The following CIMIP4 variants were observed in gnomAD, a reference collection of about 807,000 sequenced individuals.
CIMIP4 encodes protein EAN57.
the CIMIP4 span, chr22:37,002,192 C>T: frequency 2.7e-6 from 4 of 1,484,964 alleles, no homozygotes; most frequent in Middle Eastern, 1.8e-4. Context: ...GGATGACAGA[C>T]CCTGGTTCTT....
chr22:37,001,731 C>T, the CIMIP4 span: 1 of 1,190,048 alleles, frequency 8.4e-7, no homozygotes, highest in Non-Finnish European at 1.1e-6. Flanking sequence ...TCAGGAGATA[C>T]TGCTTTCTAG....
the CIMIP4 span, chr22:37,002,325 A>C: frequency 4.5e-6 from 5 of 1,120,890 alleles, no homozygotes; most frequent in Non-Finnish European, 4.4e-6. Flanking sequence ...AAAGAGAAAC[A>C]GAGGGGGAGG....
chr22:36,991,540 A>G, the CIMIP4 span: 3 of 1,613,990 alleles, frequency 1.9e-6, no homozygotes, highest in East Asian at 6.7e-5. Context: ...TTTCTCAATG[A>G]CCTCTGGTGT....
At chr22:37,003,741 A>G in the CIMIP4 span, among the ~76,000 whole-genome samples, 491 of 152,310 alleles carry the variant, frequency 3.2e-3, no homozygotes, top group Non-Finnish European at 5.4e-3. Flanking sequence ...TATCGGGGTG[A>G]TAATCCCTGC....
chr22:36,995,175 C>T, the CIMIP4 span, among the ~76,000 whole-genome samples: 11 of 152,232 alleles, frequency 7.2e-5, no homozygotes, highest in African/African-American at 2.6e-4. Context: ...AAAGAAAATC[C>T]TTGGTAAGCT....
the CIMIP4 span, among the ~76,000 whole-genome samples, chr22:36,994,549 A>G: frequency 6.6e-6 from 1 of 150,700 alleles, no homozygotes; most frequent in Non-Finnish European, 1.5e-5. Context: ...TTGTATTTTT[A>G]GTAGATATAG....
At chr22:37,003,906 AG>A in the CIMIP4 span, 1 of 1,504,614 alleles carries the variant, frequency 6.6e-7, no homozygotes, top group South Asian at 1.3e-5. Context: ...CTGCTGCCCC[AG>A]GGAGTCCCTC....
chr22:36,995,112 G>A, the CIMIP4 span, among the ~76,000 whole-genome samples: 2 of 152,118 alleles, frequency 1.3e-5, no homozygotes, highest in East Asian at 3.8e-4. Flanking sequence ...CCAAGAAAGA[G>A]GAAGACACCA....
the CIMIP4 span, among the ~76,000 whole-genome samples, chr22:36,994,630 ATT>A: frequency 1.3e-3 from 153 of 114,158 alleles, 1 homozygote; most frequent in East Asian, 3.2e-3. Flanking sequence ...GCCTCCTGAG[ATT>A]TTTTTTTTTT....
chr22:37,004,548 C>T, the CIMIP4 span, among the ~76,000 whole-genome samples: 11 of 152,166 alleles, frequency 7.2e-5, no homozygotes, highest in Admixed American at 6.5e-4. Context: ...TTAGCCACCA[C>T]GAAGGAGAAC....
chr22:37,001,323 C>G, the CIMIP4 span, among the ~76,000 whole-genome samples: 1 of 151,694 alleles, frequency 6.6e-6, no homozygotes. Context: ...GACTGAAGCC[C>G]AGAGAGGGTA....
chr22:36,993,743 G>T, the CIMIP4 span, among the ~76,000 whole-genome samples: 1 of 150,952 alleles, frequency 6.6e-6, no homozygotes, highest in Admixed American at 6.6e-5. Flanking sequence ...AAAAAGAAAA[G>T]AAAAGAAAAG....
At chr22:37,007,535 G>C in the CIMIP4 span, 1 of 152,230 alleles carries the variant, frequency 6.6e-6, no homozygotes, top group Non-Finnish European at 1.5e-5. Flanking sequence ...GTCTGGACGG[G>C]CTACAATGGA....
At chr22:37,001,854 G>A in the CIMIP4 span, 1 of 1,595,998 alleles carries the variant, frequency 6.3e-7, no homozygotes, top group Non-Finnish European at 8.6e-7. Flanking sequence ...TCGGAGACCA[G>A]CTGGTCCACC....
chr22:37,007,052 C>T, the CIMIP4 span, among the ~76,000 whole-genome samples: 1 of 152,078 alleles, frequency 6.6e-6, no homozygotes, highest in Admixed American at 6.5e-5. Flanking sequence ...CTTCTCTGGT[C>T]GAGCTTTGAG....
the CIMIP4 span, among the ~76,000 whole-genome samples, chr22:36,995,664 T>C: frequency 6.6e-6 from 1 of 152,166 alleles, no homozygotes; most frequent in Non-Finnish European, 1.5e-5. Flanking sequence ...GCTGTTTCCA[T>C]GGTAGTGAAT....
chr22:36,999,548 G>C, the CIMIP4 span, among the ~76,000 whole-genome samples: 1 of 23,324 alleles, frequency 4.3e-5, no homozygotes, highest in Non-Finnish European at 7.1e-5. Context: ...GAGGGGAGGG[G>C]AGAGAAGGGG....
the CIMIP4 span, chr22:36,991,515 T>C: frequency 6.2e-7 from 1 of 1,614,198 alleles, no homozygotes; most frequent in Non-Finnish European, 8.5e-7. Context: ...GCCAGTGTTC[T>C]AAGTCCCTCA....
the CIMIP4 span, chr22:37,002,335 G>T: frequency 7.8e-7 from 1 of 1,279,824 alleles, no homozygotes; most frequent in South Asian, 2.9e-5. Context: ...AGAGGGGGAG[G>T]GAGAGAGACA....
Sources: allele counts gnomAD v4.1 joint callset (sites outside exome capture counted in the v4.1 genomes callset), GRCh38; gene constraint gnomAD v4.1.1; transcripts MANE v1.5; gene names NCBI Gene and HGNC (gene_info 2026-07-23, HGNC 2026-07-21).